YEATS2: variants seen among roughly 807,000 people sequenced by gnomAD.
The protein encoded by YEATS2 is YEATS domain-containing protein 2.
YEATS2 carries 77 observed loss-of-function variants against 163.2 expected under a neutral mutation model. The ratio of observed to expected loss-of-function variants is 0.47; its 90% CI spans 0.39 to 0.57. The LOEUF (loss-of-function observed/expected upper bound fraction) is 0.57, where lower values mean the gene tolerates loss of function less well. YEATS2 is among the 20% of genes least tolerant of loss of function. YEATS2 has a pLI of 0.00. For synonymous variants in YEATS2, 631 were observed against 645.1 expected, an observed-to-expected ratio of 0.98 and a Z score of 0.33; for missense variants, 1,549 against 1,729.8, an observed-to-expected ratio of 0.90 and a Z score of 1.85.
chr3:183,797,474 G>T (rs1400087919), intron 21 of YEATS2, among the ~76,000 whole-genome samples: 2 of 151,902 alleles, frequency 1.3e-5, no homozygotes, highest in Non-Finnish European at 2.9e-5. Context: ...GAGCCCAGGA[G>T]TTCAAGGTTA....
At chr3:183,799,593 C>T (rs1218704431) in intron 23 of YEATS2, among the ~76,000 whole-genome samples, 1 of 152,152 alleles carries the variant, frequency 6.6e-6, no homozygotes, top group East Asian at 1.9e-4. Context: ...GGAGACATGC[C>T]TGCCCACAAG....
rs779902985 is a variant in YEATS2, at chr3:183,776,034, G to A, written c.2488G>A (p.Ala830Thr). Residue 830 changes from alanine to threonine, a missense_variant, in exon 18 of 31, where the codon GCA becomes ACA. Coordinates refer to ENST00000305135, the MANE Select transcript of YEATS2 (RefSeq NM_018023.5). ...GGSTGGGGGT[A>T]GGGTQSTAGP... The stretch of plus-strand genomic sequence containing the variant: ...CAGCACAGGAGGAGGAGGAGGAACA[G>A]CAGGAGGAGGAACTCAAAGTACTGC... The A allele has an allele frequency of 1.9e-6, 3 of 1,613,034 alleles. No homozygotes were observed. Among genetic ancestry groups the A allele is most frequent in the South Asian group, 2.2e-5 (2 of 90,980 alleles).
At chr3:183,755,179 G>A (rs535865112) in intron 11 of YEATS2, among the ~76,000 whole-genome samples, 5 of 152,006 alleles carry the variant, frequency 3.3e-5, no homozygotes, top group African/African-American at 9.6e-5. Flanking sequence ...GCAATGGCGC[G>A]ATCTCAGCTC....
chr3:183,754,089 T>C, intron 10 of YEATS2, 37 bp from the exon 11 acceptor site: 1 of 1,509,158 alleles, frequency 6.6e-7, no homozygotes, highest in Non-Finnish European at 8.9e-7. Flanking sequence ...TTCAAAGCGA[T>C]TGATGACTTG....
At chr3:183,732,890 T>C (rs1365008339) in intron 7 of YEATS2, among the ~76,000 whole-genome samples, 1 of 151,862 alleles carries the variant, frequency 6.6e-6, no homozygotes, top group Non-Finnish European at 1.5e-5. Flanking sequence ...GATAAGAGTC[T>C]TGCTCTGGCA....
At chr3:183,703,230 A>T (rs544617624) in intron 1 of YEATS2, among the ~76,000 whole-genome samples, 1 of 151,490 alleles carries the variant, frequency 6.6e-6, no homozygotes, top group Non-Finnish European at 1.5e-5. Flanking sequence ...AATTTTGATT[A>T]TTTTTACTTA....
At chr3:183,773,892 T>C in intron 17 of YEATS2, 98 bp downstream of exon 17, 1 of 1,368,714 alleles carries the variant, frequency 7.3e-7, no homozygotes, top group Non-Finnish European at 9.8e-7. Context: ...TCAGGAAGCA[T>C]TTCTGTAACT....
chr3:183,725,538 A>G (rs906045144), intron 6 of YEATS2, among the ~76,000 whole-genome samples: 1 of 152,244 alleles, frequency 6.6e-6, no homozygotes, highest in African/African-American at 2.4e-5. Flanking sequence ...CAAGGGAGAA[A>G]CAAAGCCATG....
chr3:183,735,520 C>G (rs1442087455), intron 7 of YEATS2, among the ~76,000 whole-genome samples: 1 of 152,196 alleles, frequency 6.6e-6, no homozygotes, highest in Non-Finnish European at 1.5e-5. Flanking sequence ...GCTTTCTAGG[C>G]TCCCCTCATA....
chr3:183,799,993 C>T (rs1021432587), intron 23 of YEATS2, among the ~76,000 whole-genome samples: 41 of 151,918 alleles, frequency 2.7e-4, no homozygotes, highest in African/African-American at 5.3e-4. Flanking sequence ...CCACCACGCC[C>T]GGCTAATTTT....
At chr3:183,722,746 A>G (rs1476260727) in intron 5 of YEATS2, among the ~76,000 whole-genome samples, 1 of 151,972 alleles carries the variant, frequency 6.6e-6, no homozygotes, top group Non-Finnish European at 1.5e-5. Flanking sequence ...TCTGTCTCCC[A>G]GGTTCAAGCT....
chr3:183,719,713 G>A (rs987842741), intron 4 of YEATS2, among the ~76,000 whole-genome samples: 2 of 151,968 alleles, frequency 1.3e-5, no homozygotes, highest in South Asian at 2.1e-4. Flanking sequence ...TGGCCAGGCT[G>A]GAATGCAGTG....
intron 8 of YEATS2, among the ~76,000 whole-genome samples, chr3:183,744,027 A>G (rs905464905): frequency 5.3e-5 from 8 of 151,916 alleles, no homozygotes; most frequent in African/African-American, 1.9e-4. Flanking sequence ...CTGGAACCAA[A>G]TAAAAGGGCA....
intron 8 of YEATS2, among the ~76,000 whole-genome samples, chr3:183,746,490 A>T (rs1577100785): frequency 3.9e-5 from 6 of 152,108 alleles, no homozygotes; most frequent in Non-Finnish European, 7.4e-5. Flanking sequence ...CATTTCTTGT[A>T]TGCTTTGTTT....
chr3:183,800,658 A>G, intron 24 of YEATS2, 90 bp downstream of exon 24: 1 of 1,051,320 alleles, frequency 9.5e-7, no homozygotes, highest in Non-Finnish European at 1.4e-6. Context: ...GTGTGTGTGT[A>G]GCTCTAAGCC....
At chr3:183,715,464 C>G (rs971050155) in intron 2 of YEATS2, among the ~76,000 whole-genome samples, 1 of 152,096 alleles carries the variant, frequency 6.6e-6, no homozygotes, top group Admixed American at 6.5e-5. Flanking sequence ...GGAACATGAT[C>G]AAGCAGACAG....
chr3:183,754,254 T>C lies in YEATS2; in HGVS notation c.1279T>C (p.Phe427Leu). ...VTFCSHGNSA[F>L]QPIASSCKIV... ...CTTTTGTTCCCATGGCAATTCAGCTTTCCAGCCAATAGCATCAAGCTGCAA... is the reference window on the plus strand; with the variant it reads ...CTTTTGTTCCCATGGCAATTCAGCTCTCCAGCCAATAGCATCAAGCTGCAA... The change falls in exon 11 of 31, where the codon TTC (phenylalanine) becomes CTC (leucine). Residue 427 changes from phenylalanine (F) to leucine (L), a missense_variant. Coordinates refer to ENST00000305135, the MANE Select transcript of YEATS2 (RefSeq NM_018023.5). 1 of 1,614,146 alleles carries C rather than the reference T, an allele frequency of 6.2e-7. No individual in the cohort carries two copies. The highest frequency in any genetic ancestry group is 8.5e-7 in the Non-Finnish European group (1 of 1,180,014).
intron 21 of YEATS2, among the ~76,000 whole-genome samples, chr3:183,797,548 A>C (rs1159171133): frequency 1.4e-5 from 2 of 141,092 alleles, no homozygotes; most frequent in Non-Finnish European, 1.6e-5. Context: ...CTAACACAAT[A>C]AATAAATAAA....
chr3:183,702,196 G>A (rs1464473208), intron 1 of YEATS2, among the ~76,000 whole-genome samples: 16 of 152,174 alleles, frequency 1.1e-4, no homozygotes, highest in African/African-American at 3.6e-4. Context: ...TGTAGTCCCA[G>A]CACTTTGGGA....
Sources: allele counts gnomAD v4.1 joint callset (sites outside exome capture counted in the v4.1 genomes callset), GRCh38; gene constraint gnomAD v4.1.1; transcripts MANE v1.5; gene names NCBI Gene and HGNC (gene_info 2026-07-23, HGNC 2026-07-21).